The following ETFDH variants were observed in gnomAD, a reference collection of about 807,000 sequenced individuals.
The protein encoded by ETFDH is electron transfer flavoprotein dehydrogenase.
ETFDH carries 61 observed loss-of-function variants against 73.2 expected under a neutral mutation model. The observed-to-expected ratio is 0.83, with a 90% CI of 0.68 to 1.03. ETFDH has a LOEUF of 1.03. Ranked by LOEUF, ETFDH falls within the 50% of genes least tolerant of loss-of-function variation. The probability of loss-of-function intolerance (pLI) is 0.00; values close to 1 mark genes in which losing one functional copy is unlikely to be tolerated. For synonymous variants in ETFDH, 243 were observed against 253.3 expected, an observed-to-expected ratio of 0.96 and a Z score of 0.39; for missense variants, 685 against 745.0, an observed-to-expected ratio of 0.92 and a Z score of 0.94.
At chr4:158,682,133 G>A in intron 2 of ETFDH, 62 bp from the exon 3 acceptor site, 4 of 1,608,174 alleles carry the variant, frequency 2.5e-6, no homozygotes, top group Non-Finnish European at 2.6e-6. Flanking sequence ...TTTTTTAACT[G>A]TCATGTGATT....
rs145913683 is a variant in ETFDH at position 158,698,365 on chromosome 4, C to G, written c.973-622C>G. On this transcript the variant is annotated intron_variant, in intron 8 of 12. Transcript: ENST00000511912. ...CCCCAGTCCAATGTTCATCCCATCA[C>G]CTTTGGATATTTATTCCTGTGACTT... Among the ~76,000 whole-genome samples the G allele has an allele frequency of 2.1e-3, 318 of 152,280 alleles. 1 individual carries two copies. The highest frequency in any genetic ancestry group is 3.4e-3 in the Middle Eastern group (1 of 294).
intron 5 of ETFDH, among the ~76,000 whole-genome samples, chr4:158,689,595 C>CATATATATATATATAT (rs573706904): frequency 2.1e-3 from 70 of 32,750 alleles, no homozygotes; most frequent in South Asian, 6.6e-3. Context: ...ATAAAACCTT[C>CATATATATATATATAT]ATATATATAT....
At chr4:158,682,510 C>G (rs979126315) in intron 3 of ETFDH, 86 bp downstream of exon 3, 5 of 1,036,132 alleles carry the variant, frequency 4.8e-6, no homozygotes, top group Non-Finnish European at 7.3e-6. Context: ...ATATAGGAAA[C>G]CCTTTTCATG....
intron 1 of ETFDH, among the ~76,000 whole-genome samples, chr4:158,676,315 T>A (rs1251533868): frequency 1.3e-5 from 2 of 152,124 alleles, no homozygotes; most frequent in East Asian, 3.8e-4. Flanking sequence ...AGTTCATCGA[T>A]CTGGGTGGTG....
rs1156755067 is a variant in ETFDH, at chr4:158,697,603, T to A, written c.876T>A (p.Asp292Glu). Residue 292 changes from aspartate to glutamate, a missense_variant, in exon 8 of 13, where the codon GAT (aspartate) becomes GAA (glutamate). Physicochemically the swap from Asp to Glu is conservative, Grantham distance 45. Coordinates refer to ENST00000511912, the MANE Select transcript of ETFDH (RefSeq NM_004453.4). ...DEKNWKPGRV[D>E]HTVGWPLDRH... ...AGAACTGGAAACCTGGGAGAGTAGA[T>A]CACACTGTTGGTTGGCCCTTGGACA... is the stretch of plus-strand genomic sequence containing the variant. 5.0e-6 allele frequency: 8 copies of A among 1,613,160 alleles called. No individual in the cohort carries two copies. In the South Asian group the frequency reaches 7.7e-5, roughly 15 times the overall value.
In ETFDH at chr4:158,709,525, C is replaced by A. The variant is rs961485678; in HGVS notation, c.*998C>A. 3 of 384,770 alleles carry A rather than the reference C, an allele frequency of 7.8e-6. No individual in the cohort carries two copies. The highest frequency in any genetic ancestry group is 4.6e-5 in the Admixed American group (1 of 21,882). The allele number at this position is 384,770 out of a possible 1,614,324, so 23.8% of individuals were successfully genotyped here. A position where few individuals can be genotyped will look rare whatever the true frequency, so the allele number is the denominator to read the frequency against. On this transcript the variant is annotated 3_prime_UTR_variant, in exon 13 of 13. Transcript: ENST00000511912. The stretch of plus-strand genomic sequence containing the variant: ...CCAGCCTGGGTGACAGAGCAAGACT[C>A]CATCTCAAAGAAACAAACAAAACCA...
chr4:158,682,202 C>A lies in ETFDH; in HGVS notation c.183C>A (p.Asn61Lys). ...RDKDKRWEGV[N>K]MERFAEEADV... ...AATTTTTATTTCTCCCAGGAGTGAA[C>A]ATGGAAAGGTTTGCAGAAGAAGCAG... Residue 61 changes from asparagine to lysine, a missense_variant, in exon 3 of 13, where the codon AAC becomes AAA. By Grantham distance (94) the Asn-to-Lys change is moderately conservative. Around this residue, in one of 3 missense-constraint regions of ETFDH, gnomAD observed 405 missense variants for 399.3 expected, o/e 1.01. Coordinates refer to ENST00000511912, the MANE Select transcript of ETFDH (RefSeq NM_004453.4). 2 of 1,613,758 alleles carry A rather than the reference C, an allele frequency of 1.2e-6. No individual in the cohort carries two copies. Among genetic ancestry groups the A allele is most frequent in the South Asian group, 2.2e-5 (2 of 91,084 alleles).
chr4:158,673,057 A>G (rs1404712590), intron 1 of ETFDH, among the ~76,000 whole-genome samples: 1 of 152,174 alleles, frequency 6.6e-6, no homozygotes, highest in Admixed American at 6.5e-5. Context: ...TAATCCCAGC[A>G]CTCTGGGAGG....
At chr4:158,691,815 T>C (rs1451108317) in intron 6 of ETFDH, among the ~76,000 whole-genome samples, 2 of 152,094 alleles carry the variant, frequency 1.3e-5, no homozygotes, top group East Asian at 1.9e-4. Context: ...AGGAAAAAAA[T>C]AGCTTGCTGT....
intron 3 of ETFDH, among the ~76,000 whole-genome samples, chr4:158,683,642 C>A (rs1201753849): frequency 1.3e-5 from 2 of 152,110 alleles, no homozygotes; most frequent in African/African-American, 4.8e-5. Context: ...TACAGTGGCA[C>A]AATCATGGCT....
At position 158,698,190 on chromosome 4, in the gene ETFDH, C is replaced by T. The variant is rs191795507; in HGVS notation, c.972+491C>T. Among the ~76,000 whole-genome samples the T allele has an allele frequency of 8.3e-3, 1,257 of 152,294 alleles. 16 individuals carry two copies. Among genetic ancestry groups the T allele is most frequent in the African/African-American group, 0.025 (1,038 of 41,562 alleles). ...TCTCCTTTTTTGGCCTCCTACACAT[C>T]TTTGCAGTAAATTACATGTTGAACA... On this transcript the variant is annotated intron_variant, in intron 8 of 12. Coordinates refer to ENST00000511912, the MANE Select transcript of ETFDH (RefSeq NM_004453.4).
chr4:158,674,300 G>GT (rs989199458), intron 1 of ETFDH, among the ~76,000 whole-genome samples: 14 of 151,874 alleles, frequency 9.2e-5, no homozygotes, highest in African/African-American at 2.4e-4. Flanking sequence ...TGCCAATATA[G>GT]TTTTTTTGTT....
chr4:158,690,237 A>G (rs1013255561), intron 5 of ETFDH, 111 bp from the exon 6 acceptor site: 4 of 701,966 alleles, frequency 5.7e-6, no homozygotes, highest in African/African-American at 1.8e-5. Context: ...CTGTATTTCT[A>G]TAATCTAGAG....
intron 1 of ETFDH, chr4:158,679,452 A>G (rs931572442): frequency 1.3e-5 from 2 of 152,306 alleles, no homozygotes; most frequent in African/African-American, 4.8e-5. Context: ...CTGTTTCACT[A>G]TATTCATTGA....
chr4:158,680,372 A>G (rs558014701), intron 1 of ETFDH, 95 bp from the exon 2 acceptor site: 61 of 810,122 alleles, frequency 7.5e-5, no homozygotes, highest in East Asian at 2.0e-4. Context: ...ATATTTCACT[A>G]TACTCATTGA....
At chr4:158,692,858 T>TA (rs1221153945) in intron 6 of ETFDH, among the ~76,000 whole-genome samples, 1,342 of 98,500 alleles carry the variant, frequency 0.014, 13 homozygotes, top group Non-Finnish European at 0.019. Flanking sequence ...AGACTCCATC[T>TA]AAAAAAAAAA....
intron 1 of ETFDH, chr4:158,679,808 AC>A (rs779907265): frequency 4.6e-5 from 7 of 152,116 alleles, no homozygotes; most frequent in African/African-American, 7.2e-5. Flanking sequence ...GCAGTGGCTC[AC>A]GCCTATGATC....
At chr4:158,695,404 A>G in intron 6 of ETFDH, 93 bp from the exon 7 acceptor site, 1 of 932,324 alleles carries the variant, frequency 1.1e-6, no homozygotes, top group Non-Finnish European at 1.7e-6. Context: ...TGTCTCTTCT[A>G]CATCTGAATC....
chr4:158,693,442 T>G (rs749992675), intron 6 of ETFDH, among the ~76,000 whole-genome samples: 26 of 152,208 alleles, frequency 1.7e-4, no homozygotes, highest in Admixed American at 5.2e-4. Flanking sequence ...GAATACAGGC[T>G]GTGTGGCTCC....
Sources: allele counts gnomAD v4.1 joint callset (sites outside exome capture counted in the v4.1 genomes callset), GRCh38; gene constraint gnomAD v4.1.1; regional missense constraint gnomAD v4.1.1; transcripts MANE v1.5; gene names NCBI Gene and HGNC (gene_info 2026-07-23, HGNC 2026-07-21).